IGSF5: variants seen among roughly 807,000 people sequenced by gnomAD.
IGSF5 encodes immunoglobulin superfamily member 5.
In IGSF5, 41 loss-of-function variants were observed where a neutral mutation model predicts 39.4. The ratio of observed to expected loss-of-function variants is 1.04; its 90% confidence interval spans 0.81 to 1.35. The LOEUF is 1.35. IGSF5 is among the 40% of genes most tolerant of loss of function. IGSF5 has a pLI of 0.00. For synonymous variants in IGSF5, 183 were observed against 175.3 expected, an observed-to-expected ratio of 1.04 and a Z score of -0.34; for missense variants, 487 against 494.6, an observed-to-expected ratio of 0.98 and a Z score of 0.15.
At chr21:39,774,574 C>T (rs1403126559) in intron 4 of IGSF5, among the ~76,000 whole-genome samples, 1 of 152,172 alleles carries the variant, frequency 6.6e-6, no homozygotes, top group Non-Finnish European at 1.5e-5. Context: ...AATTGATTTT[C>T]TTAACTACAG....
At chr21:39,757,947 C>T (rs7282623) in intron 2 of IGSF5, among the ~76,000 whole-genome samples, 106,857 of 151,872 alleles carry the variant, frequency 0.7, 40,463 homozygotes, top group Non-Finnish European at 0.83. Context: ...AATGTGTCCA[C>T]GGGCACACAC....
chr21:39,786,774 A>C (rs1601139310), intron 5 of IGSF5, among the ~76,000 whole-genome samples: 1 of 152,254 alleles, frequency 6.6e-6, no homozygotes, highest in African/African-American at 2.4e-5. Context: ...AATACTATGC[A>C]GCCATAAAAA....
chr21:39,723,674 G>A, the IGSF5 span, among the ~76,000 whole-genome samples: 903 of 152,256 alleles, frequency 5.9e-3, 8 homozygotes, highest in African/African-American at 0.02. Flanking sequence ...GGGTCAAAAG[G>A]TAGAATGTAT....
chr21:39,763,767 C>G lies in IGSF5; in HGVS notation c.101-1768C>G, dbSNP rs75354430. Among the ~76,000 whole-genome samples, 211 of 152,274 alleles carry G rather than the reference C, an allele frequency of 1.4e-3. 3 individuals carry two copies. In the East Asian group the frequency reaches 0.034, roughly 24 times the overall value. On this transcript the variant is annotated intron_variant, in intron 2 of 8. Coordinates refer to ENST00000380588, the MANE Select transcript of IGSF5 (RefSeq NM_001080444.2). ...CAGGAGGAGTGTGGTTATTACATCA[C>G]GGACCCTCGGGGCGCAGACTCGGCT... is the stretch of plus-strand genomic sequence containing the variant.
intron 2 of IGSF5, chr21:39,751,199 C>G (rs2080003944): frequency 6.6e-6 from 1 of 152,262 alleles, no homozygotes; most frequent in South Asian, 2.1e-4. Flanking sequence ...GAGGCAGCAT[C>G]AGGACTCTCT....
chr21:39,732,074 C>T, the IGSF5 span, among the ~76,000 whole-genome samples: 1 of 152,122 alleles, frequency 6.6e-6, no homozygotes, highest in Non-Finnish European at 1.5e-5. Flanking sequence ...CCAGCCAGAA[C>T]CAAGCTCCTA....
chr21:39,791,929 C>A, intron 6 of IGSF5, 79 bp from the exon 7 acceptor site: 2 of 868,834 alleles, frequency 2.3e-6, no homozygotes, highest in Non-Finnish European at 3.8e-6. Context: ...ACGTGAACTA[C>A]GTAGGTATCC....
At chr21:39,732,748 G>C in the IGSF5 span, among the ~76,000 whole-genome samples, 3 of 152,260 alleles carry the variant, frequency 2.0e-5, no homozygotes, top group African/African-American at 7.2e-5. Flanking sequence ...ATTCCAAGCC[G>C]GGAGTGGTGG....
At chr21:39,789,748 C>CAA (rs2086951495) in intron 6 of IGSF5, among the ~76,000 whole-genome samples, 1 of 152,116 alleles carries the variant, frequency 6.6e-6, no homozygotes, top group South Asian at 2.1e-4. Flanking sequence ...TGTTAACTAA[C>CAA]TATGTATGTA....
At chr21:39,765,329 G>A (rs8128850) in intron 2 of IGSF5, among the ~76,000 whole-genome samples, 11,618 of 152,218 alleles carry the variant, frequency 0.076, 622 homozygotes, top group East Asian at 0.19. Flanking sequence ...TTAGGGGGTA[G>A]AGTGGAAAGG....
rs768870977 is a variant in IGSF5, at chr21:39,779,071, A to G, written c.719-19A>G. 3 of 1,610,290 alleles carry G rather than the reference A, an allele frequency of 1.9e-6. No individual in the cohort carries two copies. Among genetic ancestry groups the G allele is most frequent in the South Asian group, 1.1e-5 (1 of 90,822 alleles). On this transcript the variant is annotated intron_variant, in intron 4 of 8. Coordinates refer to ENST00000380588, the MANE Select transcript of IGSF5 (RefSeq NM_001080444.2). ...TAGGCAGTGCAAGTATCACTAAAAT[A>G]TATTTTTTTCTTCTTTAGACACTGG... is the stretch of plus-strand genomic sequence containing the variant.
chr21:39,749,474 A>G (rs2079994213), intron 2 of IGSF5, among the ~76,000 whole-genome samples: 1 of 152,180 alleles, frequency 6.6e-6, no homozygotes, highest in African/African-American at 2.4e-5. Flanking sequence ...TGGCCTCCCA[A>G]AGTGCTGGGA....
chr21:39,779,544 T>C (rs1569255920), intron 5 of IGSF5, among the ~76,000 whole-genome samples: 1 of 152,222 alleles, frequency 6.6e-6, no homozygotes, highest in Non-Finnish European at 1.5e-5. Flanking sequence ...AGCAATCCCA[T>C]TCCTGGGTCT....
At chr21:39,727,322 C>T in the IGSF5 span, among the ~76,000 whole-genome samples, 10 of 152,152 alleles carry the variant, frequency 6.6e-5, no homozygotes, top group Non-Finnish European at 1.0e-4. Flanking sequence ...CACTAGTGGA[C>T]GAGCAGGCAA....
At chr21:39,719,338 G>T in the IGSF5 span, among the ~76,000 whole-genome samples, 1,144 of 152,260 alleles carry the variant, frequency 7.5e-3, 8 homozygotes, top group Non-Finnish European at 0.011. Context: ...GAGGGCAGAA[G>T]CCATGTCTGT....
chr21:39,753,346 GTC>G (rs2080014670), intron 2 of IGSF5, among the ~76,000 whole-genome samples: 1 of 152,120 alleles, frequency 6.6e-6, no homozygotes, highest in East Asian at 1.9e-4. Context: ...TGTTCCATTA[GTC>G]TATGTGCCTA....
At position 39,747,119 on chromosome 21, in the gene IGSF5, G is replaced by A. The variant is rs375104191; in HGVS notation, c.100+821G>A. ...TTTTCACGCTGCTGAAGTCATACCC[G>A]AGACCGGGAAGAAAGAGTTTTAATG... On this transcript the variant is annotated intron_variant, in intron 2 of 8. Coordinates refer to ENST00000380588, the MANE Select transcript of IGSF5 (RefSeq NM_001080444.2). 2.1e-4 allele frequency among the ~76,000 whole-genome samples: 32 copies of A among 152,322 alleles called. No homozygotes were observed. In the East Asian group the frequency reaches 5.0e-3, roughly 24 times the overall value.
intron 5 of IGSF5, among the ~76,000 whole-genome samples, chr21:39,783,468 T>C (rs1213421340): frequency 6.6e-6 from 1 of 152,230 alleles, no homozygotes; most frequent in East Asian, 1.9e-4. Flanking sequence ...GAATTAGTGA[T>C]GTTGAATGTT....
chr21:39,801,225 A>G (rs746479322), intron 8 of IGSF5, 37 bp from the exon 9 acceptor site: 4 of 1,479,998 alleles, frequency 2.7e-6, no homozygotes, highest in Non-Finnish European at 3.8e-6. Flanking sequence ...AGTGATCTCA[A>G]CCCATTAAAT....
Sources: allele counts gnomAD v4.1 joint callset (sites outside exome capture counted in the v4.1 genomes callset), GRCh38; gene constraint gnomAD v4.1.1; transcripts MANE v1.5; gene names NCBI Gene and HGNC (gene_info 2026-07-23, HGNC 2026-07-21).